PBRM1: variants seen among roughly 807,000 people sequenced by gnomAD.
The protein encoded by PBRM1 is protein polybromo-1.
A neutral mutation model predicts 194.5 loss-of-function variants in PBRM1; 27 were observed. The ratio of observed to expected loss-of-function variants is 0.14; its 90% CI spans 0.10 to 0.19. The LOEUF is 0.19. PBRM1 is among the 10% of genes least tolerant of loss of function. The probability of loss-of-function intolerance (pLI) is 1.00; values close to 1 mark genes in which losing one functional copy is unlikely to be tolerated. For missense variants in PBRM1, 1,466 were observed against 2,077.2 expected (o/e 0.71, Z 5.72); for synonymous variants, 655 against 693.2 (o/e 0.94, Z 0.87).
chr3:52,548,263 A>T (rs2079958547), intron 29 of PBRM1, 28 bp from the exon 32 acceptor site: 2 of 1,530,512 alleles, frequency 1.3e-6, no homozygotes, highest in Non-Finnish European at 1.7e-6. Context: ...GAGAGACAGA[A>T]ATTAGAATTT....
rs556707554 is a variant in PBRM1, at chr3:52,548,472, G to A, written c.4898-237C>T. 6.7e-5 allele frequency among the ~76,000 whole-genome samples: 10 copies of A among 149,482 alleles called. 1 individual carries two copies. The highest frequency in any genetic ancestry group is 4.2e-4 in the South Asian group (2 of 4,730). On this transcript the variant is annotated intron_variant, in intron 29 of 29. Coordinates refer to ENST00000296302, the Ensembl canonical transcript of PBRM1. ...CATCGAGTCTCGCTCTGTCGCCCTC[G>A]CTGGAGTGCAGTGGCGCGATCTCAG...
At chr3:52,641,453 AAAAAAAAAAAG>A (rs1577340508) in intron 10 of PBRM1, among the ~76,000 whole-genome samples, 2 of 148,862 alleles carry the variant, frequency 1.3e-5, no homozygotes, top group Non-Finnish European at 3.0e-5. Flanking sequence ...TCTCAAAAAA[AAAAAAAAAAAG>A]AAAAAAAAAA....
At chr3:52,678,657 CA>C in intron 1 of PBRM1, 60 bp from the exon 3 acceptor site, 2 of 1,049,196 alleles carry the variant, frequency 1.9e-6, no homozygotes, top group Non-Finnish European at 2.9e-6. Flanking sequence ...CCAGTGTAGA[CA>C]TAAGAATTAT....
chr3:52,587,293 T>G, intron 19 of PBRM1, 60 bp downstream of exon 21: 7 of 1,183,990 alleles, frequency 5.9e-6, no homozygotes, highest in Non-Finnish European at 8.6e-6. Context: ...TTATTTTCTG[T>G]GTTTTAAAAT....
chr3:52,570,552 T>C (rs1416343314), intron 22 of PBRM1, among the ~76,000 whole-genome samples: 1 of 152,204 alleles, frequency 6.6e-6, no homozygotes, highest in Non-Finnish European at 1.5e-5. Context: ...GTAAAAGTGA[T>C]TGGTGGCTTT....
chr3:52,671,564 C>T (rs183204939), intron 2 of PBRM1, among the ~76,000 whole-genome samples: 2 of 152,326 alleles, frequency 1.3e-5, no homozygotes, highest in Non-Finnish European at 2.9e-5. Context: ...GTTACAAGAA[C>T]TTGTGCAAGT....
chr3:52,649,006 AG>A (rs1692776110), intron 6 of PBRM1, among the ~76,000 whole-genome samples: 1 of 152,222 alleles, frequency 6.6e-6, no homozygotes, highest in South Asian at 2.1e-4. Flanking sequence ...ACACACTTTT[AG>A]GTAAGAGGCA....
chr3:52,662,224 C>A (rs757924256), exon 4 of PBRM1: 1 of 1,613,428 alleles, frequency 6.2e-7, no homozygotes, highest in Non-Finnish European at 8.5e-7. Context: ...ATTTCTTGTT[C>A]GAAGGTACAA....
upstream of PBRM1, chr3:52,681,400 T>C (rs1181767432): frequency 6.6e-6 from 1 of 152,322 alleles, no homozygotes; most frequent in Non-Finnish European, 1.5e-5. Flanking sequence ...TTATACAGTA[T>C]TATTAGTTTG....
exon 14 of PBRM1, chr3:52,617,326 C>T (rs1476792117): frequency 6.2e-7 from 1 of 1,613,864 alleles, no homozygotes; most frequent in African/African-American, 1.3e-5. Context: ...TTCTATCATT[C>T]CCTCTTCACC....
chr3:52,589,537 T>C (rs571326219), intron 17 of PBRM1, among the ~76,000 whole-genome samples: 2 of 152,338 alleles, frequency 1.3e-5, no homozygotes, highest in African/African-American at 2.4e-5. Flanking sequence ...TATGATCATA[T>C]GGACATTTTG....
At chr3:52,661,333 T>C (rs553522564) in intron 4 of PBRM1, among the ~76,000 whole-genome samples, 4 of 152,318 alleles carry the variant, frequency 2.6e-5, no homozygotes, top group South Asian at 2.1e-4. Context: ...CCATGAAGCA[T>C]GTGTCTTTAT....
At chr3:52,647,727 A>G (rs544740378) in intron 7 of PBRM1, among the ~76,000 whole-genome samples, 7 of 152,058 alleles carry the variant, frequency 4.6e-5, no homozygotes, top group Admixed American at 4.6e-4. Context: ...ATCTAGTCGC[A>G]AAAAATCCAT....
At chr3:52,551,920 T>C (rs1025964255) in intron 27 of PBRM1, 1 of 152,206 alleles carries the variant, frequency 6.6e-6, no homozygotes, top group African/African-American at 2.4e-5. Flanking sequence ...CCAATTTTAG[T>C]GTATGTGCTG....
At chr3:52,669,668 T>C (rs549919775) in intron 2 of PBRM1, among the ~76,000 whole-genome samples, 13 of 152,226 alleles carry the variant, frequency 8.5e-5, no homozygotes, top group Non-Finnish European at 1.3e-4. Flanking sequence ...TAGCCATTCT[T>C]TTATTACGTA....
chr3:52,668,266 C>T (rs976831639), intron 3 of PBRM1, among the ~76,000 whole-genome samples: 3 of 152,158 alleles, frequency 2.0e-5, no homozygotes, highest in African/African-American at 7.2e-5. Context: ...CACTGCACTC[C>T]AGCCCGTGTA....
At chr3:52,685,555 G>C (rs13078096) in intron 1 of PBRM1, 194 bp downstream of exon 1, 15 of 151,576 alleles carry the variant, frequency 9.9e-5, no homozygotes, top group South Asian at 4.1e-4. Flanking sequence ...CCTGCCGGCA[G>C]GTGCGACAAG....
At chr3:52,669,675 C>T (rs73078833) in intron 2 of PBRM1, among the ~76,000 whole-genome samples, 10,527 of 152,128 alleles carry the variant, frequency 0.069, 475 homozygotes, top group Middle Eastern at 0.095. Context: ...TCTTTTATTA[C>T]GTATAATATA....
chr3:52,601,558 C>T (rs1050695719), intron 17 of PBRM1, among the ~76,000 whole-genome samples: 4 of 151,660 alleles, frequency 2.6e-5, no homozygotes, highest in Non-Finnish European at 5.9e-5. Flanking sequence ...CTCACCGGCT[C>T]CTGTGGAGCC....
Sources: gnomAD v4.1 joint callset for allele counts (sites outside exome capture counted in the v4.1 genomes callset) on GRCh38, gnomAD v4.1.1 for gene constraint, MANE v1.5 for transcripts, NCBI Gene and HGNC (gene_info 2026-07-23, HGNC 2026-07-21) for gene names.